The following MCF2L2 variants were observed in gnomAD, a reference collection of about 807,000 sequenced individuals.
MCF2L2 encodes the protein MCF.2 cell line derived transforming sequence-like 2, also known as probable guanine nucleotide exchange factor MCF2L2.
Under a neutral mutation model 150.2 loss-of-function variants are expected in MCF2L2, and 102 were observed. The observed-to-expected ratio is 0.68, with a 90% CI of 0.58 to 0.80. The LOEUF is 0.80. Ranked by LOEUF, MCF2L2 falls within the 30% of genes least tolerant of loss-of-function variation. The pLI is 0.00. For synonymous variants in MCF2L2, 465 were observed against 491.3 expected (o/e 0.95, Z 0.71); for missense variants, 1,256 against 1,372.8 (o/e 0.91, Z 1.34).
At position 183,180,081 on chromosome 3, in the gene MCF2L2, C is replaced by T. The variant is rs755147015; in HGVS notation, c.3095G>A (p.Ser1032Asn). The T allele has an allele frequency of 1.2e-6, 2 of 1,612,976 alleles. No individual in the cohort carries two copies. The highest frequency in any genetic ancestry group is 2.2e-5 in the South Asian group (2 of 91,076). ...EGAEDMEKESSALSLAGLFQS... is the reference protein window; with the variant it reads ...EGAEDMEKESNALSLAGLFQS... ...AAGGGAAGTAATTACACTCAGAGCA[C>T]TGCTCTCCTTTTCCATGTCTTCTGC... Residue 1032 changes from serine (S) to asparagine (N), a missense_variant, in exon 28 of 30, where the codon AGT (serine) becomes AAT (asparagine). Physicochemically the swap from Ser to Asn is conservative, Grantham distance 46. Coordinates refer to ENST00000328913, the MANE Select transcript of MCF2L2 (RefSeq NM_015078.4).
intron 1 of MCF2L2, among the ~76,000 whole-genome samples, chr3:183,427,172 G>T (rs776837133): frequency 6.6e-6 from 1 of 152,170 alleles, no homozygotes; most frequent in Non-Finnish European, 1.5e-5. Flanking sequence ...GAAGGCCAAG[G>T]GGAAGAAAGT....
intron 3 of MCF2L2, among the ~76,000 whole-genome samples, chr3:183,350,764 C>T (rs542363992): frequency 1.4e-4 from 22 of 151,944 alleles, no homozygotes; most frequent in African/African-American, 2.4e-4. Flanking sequence ...ATTAGCTGGG[C>T]GTGGTGGCGG....
Position 183,323,314 on chromosome 3 carries a change from T to G in MCF2L2, c.524A>C (p.Tyr175Ser), listed in dbSNP as rs988345468. 3.7e-6 allele frequency: 6 copies of G among 1,613,852 alleles called. No individual in the cohort carries two copies. The Admixed American group carries it at 1.0e-4, about 27-fold the overall frequency. The stretch of plus-strand genomic sequence containing the variant: ...CCGGGTCAGTTGGCTTTTGTCGATG[T>G]AGCCGTGAAGGTCAGAGACAGAGTT... ...MVNSVSDLHG[Y>S]IDKSQLTREL... The change falls in exon 6 of 30, where the codon TAC (tyrosine) becomes TCC (serine). Residue 175 changes from tyrosine (Y) to serine (S), a missense_variant. Coordinates refer to ENST00000328913, the MANE Select transcript of MCF2L2 (RefSeq NM_015078.4).
In MCF2L2 at chr3:183,428,355, T is replaced by G. The variant is rs2108641144; in HGVS notation, c.-378A>C. 2 of 248,236 alleles carry G rather than the reference T, an allele frequency of 8.1e-6. No individual in the cohort carries two copies. The highest frequency in any genetic ancestry group is 1.4e-4 in the East Asian group (1 of 7,052). The allele number at this position is 248,236 out of a possible 1,614,324, so 15.4% of individuals were successfully genotyped here. Reference sequence around the variant, plus strand: ...GGTTTCCGGCGCCGCCTCCAGGGACTGTAGAGTGAGGGATGCTCCGCCAGG... The same window carrying G: ...GGTTTCCGGCGCCGCCTCCAGGGACGGTAGAGTGAGGGATGCTCCGCCAGG... On this transcript the variant is annotated 5_prime_UTR_variant, in exon 1 of 30. Transcript: ENST00000328913. This position sits in a 1 kb window ranked among gnomAD's most constrained non-coding sequence, Gnocchi z 5.1.
intron 1 of MCF2L2, among the ~76,000 whole-genome samples, chr3:183,412,988 G>A (rs1715398912): frequency 6.6e-6 from 1 of 152,028 alleles, no homozygotes; most frequent in Admixed American, 6.6e-5. Context: ...TGCTTATGTG[G>A]GTTTTCCCCT....
chr3:183,191,223 G>T (rs1274459053), intron 27 of MCF2L2, among the ~76,000 whole-genome samples: 3 of 152,090 alleles, frequency 2.0e-5, no homozygotes, highest in Non-Finnish European at 4.4e-5. Flanking sequence ...AAACTGAGAG[G>T]AAGGTACAAA....
chr3:183,388,351 G>GA (rs1713949302), intron 2 of MCF2L2, among the ~76,000 whole-genome samples: 1 of 33,012 alleles, frequency 3.0e-5, no homozygotes, highest in Non-Finnish European at 9.6e-5. Context: ...TTCTGTGGTA[G>GA]GGCAACAGTT....
At chr3:183,274,975 T>C (rs527967667) in intron 15 of MCF2L2, among the ~76,000 whole-genome samples, 2 of 152,106 alleles carry the variant, frequency 1.3e-5, no homozygotes, top group African/African-American at 4.8e-5. Context: ...GTTTTTTTTT[T>C]TTTATCACTG....
intron 25 of MCF2L2, among the ~76,000 whole-genome samples, chr3:183,203,539 G>A (rs1310272259): frequency 6.6e-6 from 1 of 152,180 alleles, no homozygotes; most frequent in Non-Finnish European, 1.5e-5. Context: ...TATCCAGTCT[G>A]AGGAAGAGAA....
chr3:183,294,874 C>T (rs373859771), intron 13 of MCF2L2, among the ~76,000 whole-genome samples: 1 of 151,978 alleles, frequency 6.6e-6, no homozygotes, highest in Non-Finnish European at 1.5e-5. Flanking sequence ...GTGATCTGCC[C>T]GCCTCAGGCT....
At chr3:183,402,746 A>G (rs1408549135) in intron 1 of MCF2L2, among the ~76,000 whole-genome samples, 2 of 152,058 alleles carry the variant, frequency 1.3e-5, no homozygotes, top group Admixed American at 6.5e-5. Context: ...AACAAGACCA[A>G]GAAATAGATT....
At chr3:183,196,431 T>C (rs1251164908) in intron 25 of MCF2L2, among the ~76,000 whole-genome samples, 1 of 152,210 alleles carries the variant, frequency 6.6e-6, no homozygotes, top group East Asian at 1.9e-4. Context: ...TGTAAAGTGC[T>C]CGGCAGGCGT....
At chr3:183,357,288 C>A (rs918091983) in intron 3 of MCF2L2, among the ~76,000 whole-genome samples, 1 of 152,088 alleles carries the variant, frequency 6.6e-6, no homozygotes, top group Non-Finnish European at 1.5e-5. Context: ...TTTAAAAAAA[C>A]AAGCAAGATA....
chr3:183,405,219 CTGAT>C (rs1466503892), intron 1 of MCF2L2, among the ~76,000 whole-genome samples: 1 of 152,106 alleles, frequency 6.6e-6, no homozygotes, highest in Non-Finnish European at 1.5e-5. Context: ...CAAAAGGTAA[CTGAT>C]TATTATTAGA....
At chr3:183,288,122 T>TA (rs1290426457) in intron 14 of MCF2L2, among the ~76,000 whole-genome samples, 1 of 152,210 alleles carries the variant, frequency 6.6e-6, no homozygotes, top group Admixed American at 6.5e-5. Context: ...ATACAGTGCT[T>TA]AGCAATTTTC....
At chr3:183,292,087 A>ATG (rs143160748) in intron 13 of MCF2L2, among the ~76,000 whole-genome samples, 16 of 151,568 alleles carry the variant, frequency 1.1e-4, no homozygotes, top group South Asian at 2.1e-4. Context: ...ATGTGTGTGG[A>ATG]TGTGTGTGTG....
At chr3:183,291,731 G>C (rs1391342971) in intron 13 of MCF2L2, among the ~76,000 whole-genome samples, 1 of 152,214 alleles carries the variant, frequency 6.6e-6, no homozygotes, top group Admixed American at 6.5e-5. Context: ...AAAAACAAAA[G>C]TGCAGGATTG....
At chr3:183,324,556 A>G (rs1729946821) in intron 5 of MCF2L2, among the ~76,000 whole-genome samples, 1 of 152,170 alleles carries the variant, frequency 6.6e-6, no homozygotes, top group Admixed American at 6.5e-5. Context: ...GAATGAATCC[A>G]CTTTGGAATG....
At chr3:183,252,459 G>A (rs1435573185) in intron 15 of MCF2L2, among the ~76,000 whole-genome samples, 1 of 152,196 alleles carries the variant, frequency 6.6e-6, no homozygotes, top group Non-Finnish European at 1.5e-5. Flanking sequence ...CTTAAGGAAA[G>A]CAATTTAAAA....
Sources: gnomAD v4.1 joint callset for allele counts (sites outside exome capture counted in the v4.1 genomes callset) on GRCh38, gnomAD v4.1.1 for gene constraint, Gnocchi (gnomAD v3.1) non-coding constraint, MANE v1.5 for transcripts, NCBI Gene and HGNC (gene_info 2026-07-23, HGNC 2026-07-21) for gene names.